GNAL: variants seen among roughly 807,000 people sequenced by gnomAD.
The protein encoded by GNAL is guanine nucleotide-binding protein G(olf) subunit alpha.
A neutral mutation model predicts 55.1 loss-of-function variants in GNAL; 18 were observed. The ratio of observed to expected loss-of-function variants is 0.33; its 90% CI spans 0.23 to 0.48. GNAL has a LOEUF of 0.48. GNAL is among the 20% of genes least tolerant of loss of function. The probability of loss-of-function intolerance (pLI) is 0.99; values close to 1 mark genes in which losing one functional copy is unlikely to be tolerated. For missense variants in GNAL, 412 were observed against 614.1 expected (o/e 0.67, Z 3.48); for synonymous variants, 253 against 237.0 (o/e 1.07, Z -0.62).
chr18:11,724,519 A>G (rs773267960), intron 1 of GNAL, among the ~76,000 whole-genome samples: 2 of 152,184 alleles, frequency 1.3e-5, no homozygotes, highest in Non-Finnish European at 2.9e-5. Flanking sequence ...CCATCCACAC[A>G]CACGACCTGA....
intron 4 of GNAL, among the ~76,000 whole-genome samples, chr18:11,805,923 A>G (rs1037944841): frequency 2.2e-4 from 34 of 152,210 alleles, no homozygotes; most frequent in African/African-American, 8.2e-4. Flanking sequence ...AGGAATCTCC[A>G]TACTGTTTTC....
chr18:11,781,149 T>G (rs2033916177), intron 4 of GNAL, among the ~76,000 whole-genome samples: 1 of 152,214 alleles, frequency 6.6e-6, no homozygotes, highest in African/African-American at 2.4e-5. Flanking sequence ...TAGGGAAAAT[T>G]TGGTTGTTTT....
intron 4 of GNAL, among the ~76,000 whole-genome samples, chr18:11,813,929 T>C (rs1461342315): frequency 6.6e-6 from 1 of 152,112 alleles, no homozygotes; most frequent in African/African-American, 2.4e-5. Context: ...CCAGAGATAC[T>C]AAGGATTCAA....
chr18:11,802,188 G>T (rs959183524), intron 4 of GNAL, among the ~76,000 whole-genome samples: 1 of 151,958 alleles, frequency 6.6e-6, no homozygotes, highest in Non-Finnish European at 1.5e-5. Flanking sequence ...TACGAACTTC[G>T]CCCGAAAATC....
At chr18:11,703,041 C>A (rs940470800) in intron 1 of GNAL, among the ~76,000 whole-genome samples, 1 of 152,172 alleles carries the variant, frequency 6.6e-6, no homozygotes, top group Non-Finnish European at 1.5e-5. Context: ...TGACTTGAAC[C>A]TGGGAGCCAG....
chr18:11,851,426 C>G lies in GNAL; in HGVS notation c.723-10969C>G, dbSNP rs569502716. ...AGGAAGTGGGACCAAAACAAAGGAG[C>G]GGCGGCCGGGAGCGGACTTACCTTA... is the stretch of plus-strand genomic sequence containing the variant. On this transcript the variant is annotated intron_variant, in intron 5 of 11. Coordinates refer to ENST00000334049, the MANE Select transcript of GNAL (RefSeq NM_182978.4). The G allele has an allele frequency of 2.8e-6, 4 of 1,415,392 alleles. No homozygotes were observed. The African/African-American group carries it at 4.3e-5, about 15-fold the overall frequency. The allele number at this position is 1,415,392 out of a possible 1,614,324, so 87.7% of individuals were successfully genotyped here. A position where few individuals can be genotyped will look rare whatever the true frequency, so the allele number is the denominator to read the frequency against.
chr18:11,840,914 G>T lies in GNAL; in HGVS notation c.722+15899G>T, dbSNP rs1382708428. ...TTTTGAGACACAGTCTCACTCTGTC[G>T]CCCAGACTGGAGTCAGTGCTACGAT... On this transcript the variant is annotated intron_variant, in intron 5 of 11. Coordinates refer to ENST00000334049, the MANE Select transcript of GNAL (RefSeq NM_182978.4). Among the ~76,000 whole-genome samples the T allele has an allele frequency of 5.8e-5, 8 of 138,208 alleles. No individual in the cohort carries two copies. The Admixed American group carries it at 6.2e-4, about 11-fold the overall frequency. 90.7% of individuals were successfully genotyped at this position (138,208 alleles called of 152,430 possible). A position where few individuals can be genotyped will look rare whatever the true frequency, so the allele number is the denominator to read the frequency against.
rs1324911790 is a variant in GNAL at position 11,882,726 on chromosome 18, G to A, written c.*1591G>A. On this transcript the variant is annotated 3_prime_UTR_variant, in exon 12 of 12. Transcript: ENST00000334049. ...AAAACCTTGACGTGTCAATGTTTGT[G>A]TCTGGCCTAGGAGAATGAGGATGAC... 6.7e-6 allele frequency: 1 copy of A among 148,914 alleles called. No individual in the cohort carries two copies. The highest frequency in any genetic ancestry group is 1.5e-5 in the Non-Finnish European group (1 of 67,446). The allele number at this position is 148,914 out of a possible 1,614,324, so 9.2% of individuals were successfully genotyped here.
intron 5 of GNAL, among the ~76,000 whole-genome samples, chr18:11,859,284 A>T (rs1269351258): frequency 1.3e-5 from 2 of 152,102 alleles, no homozygotes; most frequent in Non-Finnish European, 2.9e-5. Flanking sequence ...CCAGAAACCC[A>T]TCTGACTGTC....
At chr18:11,880,891 G>A in intron 11 of GNAL, 98 bp from the exon 12 acceptor site, 1 of 1,298,534 alleles carries the variant, frequency 7.7e-7, no homozygotes, top group South Asian at 1.4e-5. Flanking sequence ...GCAGGCCACT[G>A]TCACCAAAGC....
At position 11,792,411 on chromosome 18, in the gene GNAL, C is replaced by T. The variant is rs568033723; in HGVS notation, c.625-32507C>T. Among the ~76,000 whole-genome samples the T allele has an allele frequency of 1.1e-4, 17 of 152,344 alleles. No individual in the cohort carries two copies. The East Asian group carries it at 3.3e-3, about 29-fold the overall frequency. ...ATGTTGGCCAGGCTGGTCCCAAACT[C>T]CTGACCTCAGGTGATCTGCCCGCCT... On this transcript the variant is annotated intron_variant, in intron 4 of 11. Coordinates refer to ENST00000334049, the MANE Select transcript of GNAL (RefSeq NM_182978.4).
intron 4 of GNAL, among the ~76,000 whole-genome samples, chr18:11,805,125 A>AC (rs2034622019): frequency 1.0e-5 from 1 of 95,806 alleles, no homozygotes; most frequent in Non-Finnish European, 2.3e-5. Flanking sequence ...ACATGGAGAT[A>AC]TTGTGTAGTG....
chr18:11,819,152 T>C (rs2035031084), intron 4 of GNAL, among the ~76,000 whole-genome samples: 1 of 152,264 alleles, frequency 6.6e-6, no homozygotes, highest in African/African-American at 2.4e-5. Context: ...GACTGTGTTA[T>C]ATTAGCACAG....
At position 11,790,330 on chromosome 18, in the gene GNAL, G is replaced by A. The variant is rs1036474575; in HGVS notation, c.625-34588G>A. Among the ~76,000 whole-genome samples, 2 of 151,718 alleles carry A rather than the reference G, an allele frequency of 1.3e-5. 1 individual carries two copies. The highest frequency in any genetic ancestry group is 2.9e-5 in the Non-Finnish European group (2 of 67,952). On this transcript the variant is annotated intron_variant, in intron 4 of 11. Transcript: ENST00000334049. Reference sequence around the variant, plus strand: ...TGATTCCCCCAGCTTCCGACACTCTGAGGAAGAAATTCTCCAGGGCGTTTG... The same window carrying A: ...TGATTCCCCCAGCTTCCGACACTCTAAGGAAGAAATTCTCCAGGGCGTTTG...
chr18:11,813,191 G>A lies in GNAL; in HGVS notation c.625-11727G>A, dbSNP rs369016668. Among the ~76,000 whole-genome samples, 287 of 151,070 alleles carry A rather than the reference G, an allele frequency of 1.9e-3. 1 individual carries two copies. The highest frequency in any genetic ancestry group is 6.6e-3 in the African/African-American group (272 of 40,978). ...AATTGGTGGAACCCGGGAGGTGGAGGTTGCAGTGAGCCGAGATCGCTCTAT... is the reference window on the plus strand; with the variant it reads ...AATTGGTGGAACCCGGGAGGTGGAGATTGCAGTGAGCCGAGATCGCTCTAT... On this transcript the variant is annotated intron_variant, in intron 4 of 11. Coordinates refer to ENST00000334049, the MANE Select transcript of GNAL (RefSeq NM_182978.4).
At chr18:11,730,482 T>A (rs1000672813) in intron 1 of GNAL, among the ~76,000 whole-genome samples, 2 of 151,176 alleles carry the variant, frequency 1.3e-5, no homozygotes, top group African/African-American at 2.4e-5. Context: ...TCTAAAGACT[T>A]GCTGGGCACA....
At chr18:11,693,023 G>T (rs1485235038) in intron 1 of GNAL, among the ~76,000 whole-genome samples, 1 of 150,826 alleles carries the variant, frequency 6.6e-6, no homozygotes, top group African/African-American at 2.5e-5. Flanking sequence ...AAAAAGGGGA[G>T]AATTTTTTTA....
chr18:11,818,345 A>T (rs1223075501), intron 4 of GNAL, among the ~76,000 whole-genome samples: 1 of 152,254 alleles, frequency 6.6e-6, no homozygotes, highest in Non-Finnish European at 1.5e-5. Flanking sequence ...TCATTCTGTT[A>T]TCCAAGGGAT....
chr18:11,745,975 C>T lies in GNAL; in HGVS notation c.377-6878C>T, dbSNP rs960360358. 9.7e-5 allele frequency: 26 copies of T among 268,262 alleles called. 1 individual carries two copies. Among genetic ancestry groups the T allele is most frequent in the Non-Finnish European group, 1.8e-4 (24 of 132,750 alleles). 16.6% of individuals were successfully genotyped at this position (268,262 alleles called of 1,614,324 possible). ...TTGCAATTACTTTGCTAGATACTGC[C>T]AATAAGAAAGTGTTCTTGGGCAGAG... On this transcript the variant is annotated intron_variant, in intron 1 of 11. Coordinates refer to ENST00000334049, the MANE Select transcript of GNAL (RefSeq NM_182978.4).
Sources: gnomAD v4.1 joint callset for allele counts (sites outside exome capture counted in the v4.1 genomes callset) on GRCh38, gnomAD v4.1.1 for gene constraint, MANE v1.5 for transcripts, NCBI Gene and HGNC (gene_info 2026-07-23, HGNC 2026-07-21) for gene names.